ZNF804B: variants seen among roughly 807,000 people sequenced by gnomAD.
ZNF804B encodes zinc finger 804B.
ZNF804B carries 80 observed loss-of-function variants against 101.4 expected under a neutral mutation model. That is an observed-to-expected ratio of 0.79 (90% CI 0.66 to 0.95). The LOEUF (loss-of-function observed/expected upper bound fraction) is 0.95. Among genes scored for constraint, ZNF804B ranks in the 40% least tolerant of loss-of-function variants. The pLI, the probability that ZNF804B is intolerant of heterozygous loss-of-function variation, is 0.00. For synonymous variants in ZNF804B, 622 were observed against 558.8 expected, an observed-to-expected ratio of 1.11 and a Z score of -1.59; for missense variants, 1,673 against 1,561.9, an observed-to-expected ratio of 1.07 and a Z score of -1.20.
At chr7:89,104,723 T>A (rs77936203) in intron 1 of ZNF804B, among the ~76,000 whole-genome samples, 10,399 of 152,060 alleles carry the variant, frequency 0.068, 504 homozygotes, top group Non-Finnish European at 0.11. Context: ...TTGGGATGAG[T>A]CCTTTGATTC....
At chr7:89,245,654 C>A (rs956138728) in intron 2 of ZNF804B, among the ~76,000 whole-genome samples, 1 of 152,028 alleles carries the variant, frequency 6.6e-6, no homozygotes, top group Non-Finnish European at 1.5e-5. Context: ...GGATTAGAGG[C>A]TTTTAGCATG....
intron 1 of ZNF804B, among the ~76,000 whole-genome samples, chr7:89,017,077 T>C (rs971390770): frequency 6.4e-4 from 97 of 152,304 alleles, no homozygotes; most frequent in Non-Finnish European, 1.2e-3. Flanking sequence ...GATTCCTAGG[T>C]ATTTTATTCT....
At chr7:89,079,026 C>T (rs934692834) in intron 1 of ZNF804B, among the ~76,000 whole-genome samples, 6 of 151,888 alleles carry the variant, frequency 4.0e-5, no homozygotes, top group African/African-American at 1.5e-4. Context: ...AAATCCATAA[C>T]TCTTTCAGCT....
intron 1 of ZNF804B, among the ~76,000 whole-genome samples, chr7:89,015,404 T>A (rs915713735): frequency 3.9e-5 from 6 of 152,064 alleles, no homozygotes; most frequent in African/African-American, 1.4e-4. Flanking sequence ...GTTACATATG[T>A]ATACATGTGC....
chr7:88,829,902 T>A (rs1260237670), intron 1 of ZNF804B, among the ~76,000 whole-genome samples: 2 of 152,162 alleles, frequency 1.3e-5, no homozygotes, highest in African/African-American at 2.4e-5. Flanking sequence ...ATTTTAGTCC[T>A]CTTTATTTAC....
intron 2 of ZNF804B, among the ~76,000 whole-genome samples, chr7:89,228,899 T>C (rs1789140412): frequency 6.6e-6 from 1 of 152,134 alleles, no homozygotes; most frequent in Non-Finnish European, 1.5e-5. Flanking sequence ...AGACTGCAGG[T>C]CCGGAGCCCT....
chr7:88,872,683 T>G (rs1158232110), intron 1 of ZNF804B, among the ~76,000 whole-genome samples: 3 of 150,394 alleles, frequency 2.0e-5, no homozygotes, highest in African/African-American at 4.9e-5. Flanking sequence ...TGTGTTCTCA[T>G]TGTTCAATTC....
Position 89,337,559 on chromosome 7 carries a change from A to AAGACAT in ZNF804B, c.*528_*533dup, listed in dbSNP as rs1287538818. Among the ~76,000 whole-genome samples, 2 of 152,170 alleles carry AAGACAT rather than the reference A, an allele frequency of 1.3e-5. No individual in the cohort carries two copies. The highest frequency in any genetic ancestry group is 4.8e-5 in the African/African-American group (2 of 41,470). Reference sequence around the variant, plus strand: ...CTGTATTTTCATAGGAAATAAGAACAAGACATTTTCTGATTAATTTAGGTT... The same window carrying AAGACAT: ...CTGTATTTTCATAGGAAATAAGAACAAGACATAGACATTTTCTGATTAATTTAGGTT... On this transcript the variant is annotated 3_prime_UTR_variant, in exon 4 of 4. Coordinates refer to ENST00000333190, the MANE Select transcript of ZNF804B (RefSeq NM_181646.5).
chr7:89,136,334 G>C (rs1790633939), intron 1 of ZNF804B, among the ~76,000 whole-genome samples: 1 of 151,548 alleles, frequency 6.6e-6, no homozygotes, highest in African/African-American at 2.4e-5. Context: ...TTTTTGGGGG[G>C]GTCTCAATTT....
At chr7:89,190,618 CT>C (rs1162271416) in intron 1 of ZNF804B, among the ~76,000 whole-genome samples, 1 of 152,140 alleles carries the variant, frequency 6.6e-6, no homozygotes, top group Non-Finnish European at 1.5e-5. Context: ...AGAAGTTCTA[CT>C]GTGGGCAAAC....
At chr7:89,227,943 A>G (rs1381640303) in intron 2 of ZNF804B, among the ~76,000 whole-genome samples, 1 of 152,136 alleles carries the variant, frequency 6.6e-6, no homozygotes, top group Admixed American at 6.5e-5. Context: ...TTCCTCTACA[A>G]TCTATTTCTC....
At position 89,232,847 on chromosome 7, in the gene ZNF804B, C is replaced by T. The variant is rs548013925; in HGVS notation, c.249+14552C>T. On this transcript the variant is annotated intron_variant, in intron 2 of 3. Coordinates refer to ENST00000333190, the MANE Select transcript of ZNF804B (RefSeq NM_181646.5). ...CATTTATTTTCTTTTTAAAAATCTA[C>T]TTGCCATTGATTTCTGATTTCTCTT... 5.9e-5 allele frequency among the ~76,000 whole-genome samples: 9 copies of T among 152,166 alleles called. No individual in the cohort carries two copies. In the South Asian group the frequency reaches 1.9e-3, roughly 32 times the overall value.
chr7:89,199,344 A>T (rs751735228), intron 1 of ZNF804B, among the ~76,000 whole-genome samples: 66 of 151,944 alleles, frequency 4.3e-4, no homozygotes, highest in Non-Finnish European at 7.4e-4. Context: ...TAACCTGCCA[A>T]TTTTTAAAAA....
intron 2 of ZNF804B, among the ~76,000 whole-genome samples, chr7:89,324,592 T>C (rs1388414414): frequency 1.3e-5 from 2 of 148,312 alleles, no homozygotes; most frequent in Non-Finnish European, 3.0e-5. Context: ...TTGTCCAGTC[T>C]ACCTTACCTT....
intron 2 of ZNF804B, among the ~76,000 whole-genome samples, chr7:89,307,766 A>G (rs1040479717): frequency 1.3e-5 from 2 of 152,054 alleles, no homozygotes; most frequent in African/African-American, 4.8e-5. Context: ...TTATAGAAAC[A>G]TTTGTTTTTA....
At chr7:88,954,981 T>G (rs1793281736) in intron 1 of ZNF804B, among the ~76,000 whole-genome samples, 1 of 151,442 alleles carries the variant, frequency 6.6e-6, no homozygotes, top group Non-Finnish European at 1.5e-5. Context: ...AGGAGATTTT[T>G]GGGCAGTTGC....
intron 3 of ZNF804B, among the ~76,000 whole-genome samples, chr7:89,328,193 A>T (rs369201732): frequency 1.3e-5 from 2 of 152,050 alleles, no homozygotes; most frequent in African/African-American, 4.8e-5. Context: ...GAATTTAAAC[A>T]CCTATTGCTT....
intron 1 of ZNF804B, among the ~76,000 whole-genome samples, chr7:88,766,389 A>G (rs1328341825): frequency 1.3e-5 from 2 of 152,238 alleles, no homozygotes. Flanking sequence ...AATTTTCCTG[A>G]GATGACACTC....
intron 1 of ZNF804B, among the ~76,000 whole-genome samples, chr7:89,027,514 T>G (rs907320328): frequency 6.6e-6 from 1 of 152,174 alleles, no homozygotes; most frequent in African/African-American, 2.4e-5. Context: ...AAGAAGCTAA[T>G]TACATTTTAT....
Sources: gnomAD v4.1 joint callset for allele counts (sites outside exome capture counted in the v4.1 genomes callset) on GRCh38, gnomAD v4.1.1 for gene constraint, MANE v1.5 for transcripts, NCBI Gene and HGNC (gene_info 2026-07-23, HGNC 2026-07-21) for gene names.